MED23: variants seen among roughly 807,000 people sequenced by gnomAD.
MED23 encodes the protein mediator complex subunit 23.
In MED23, 105 loss-of-function variants were observed where a neutral mutation model predicts 163.9. That is an observed-to-expected ratio of 0.64 (90% confidence interval 0.55 to 0.75). MED23 has a LOEUF of 0.75. Among genes scored for constraint, MED23 ranks in the 30% least tolerant of loss-of-function variants. MED23 has a pLI of 0.00. For synonymous variants in MED23, 561 were observed against 565.6 expected (o/e 0.99, Z 0.12); for missense variants, 1,054 against 1,649.0 (o/e 0.64, Z 6.25).
chr6:131,626,122 C>CAAAAAA (rs138561737), intron 3 of MED23, among the ~76,000 whole-genome samples: 14 of 59,594 alleles, frequency 2.3e-4, no homozygotes, highest in African/African-American at 4.4e-4. Flanking sequence ...ACTCTGTCTC[C>CAAAAAA]AAAAAAAAAA....
At chr6:131,618,329 AT>A (rs1420704795) in intron 9 of MED23, 77 bp downstream of exon 9, 1 of 939,038 alleles carries the variant, frequency 1.1e-6, no homozygotes, top group Non-Finnish European at 1.7e-6. Flanking sequence ...TGAAGCAACA[AT>A]TTAGCATCAC....
chr6:131,590,297 A>C, intron 27 of MED23, 25 bp downstream of exon 27: 2 of 1,603,960 alleles, frequency 1.2e-6, no homozygotes, highest in Non-Finnish European at 1.7e-6. Flanking sequence ...TAATCATGTC[A>C]CAGGAAACCC....
At chr6:131,624,756 C>G in intron 4 of MED23, 109 bp downstream of exon 4, 2 of 1,249,082 alleles carry the variant, frequency 1.6e-6, no homozygotes, top group Non-Finnish European at 2.3e-6. Flanking sequence ...CTTGATAAAC[C>G]TCACCTTCTT....
chr6:131,582,611 G>T (rs1244186113), downstream of MED23: 1 of 1,608,102 alleles, frequency 6.2e-7, no homozygotes, highest in South Asian at 1.1e-5. Flanking sequence ...TGAAAACATT[G>T]TAATTTTAGA....
intron 10 of MED23, chr6:131,615,193 T>C (rs1585546254): frequency 1.2e-6 from 1 of 824,268 alleles, no homozygotes; most frequent in South Asian, 2.4e-5. Context: ...CGTTTTTTAG[T>C]GGCCTTGGTC....
Position 131,619,283 on chromosome 6 carries a change from A to G in MED23, c.667+544T>C, listed in dbSNP as rs147889539. ...TCAATATTTGATCACTGAATAAACA[A>G]TGGTCTATATTTCCACACAGTTGAG... On this transcript the variant is annotated intron_variant, in intron 8 of 28. Transcript: ENST00000368068. Among the ~76,000 whole-genome samples, 397 of 152,334 alleles carry G rather than the reference A, an allele frequency of 2.6e-3. 3 individuals carry two copies. Among genetic ancestry groups the G allele is most frequent in the African/African-American group, 9.0e-3 (375 of 41,578 alleles).
At chr6:131,617,732 G>A (rs1012859682) in intron 9 of MED23, among the ~76,000 whole-genome samples, 2 of 152,138 alleles carry the variant, frequency 1.3e-5, no homozygotes, top group African/African-American at 2.4e-5. Flanking sequence ...TGTAAAAAGA[G>A]CAACTAGGCC....
Position 131,627,436 on chromosome 6 carries a change from C to T in MED23, c.119G>A (p.Cys40Tyr), listed in dbSNP as rs750672509. The T allele has an allele frequency of 6.2e-7, 1 of 1,612,960 alleles. No individual in the cohort carries two copies. The highest frequency in any genetic ancestry group is 1.3e-5 in the African/African-American group (1 of 74,668). ...PEDEKTKLIS[C>Y]LGAFRQFWGG... ...CCAAAACTGTCTGAAGGCCCCCAAACAGCTAATTAGTTTTGTTTTCTCATC... is the reference window on the plus strand; with the variant it reads ...CCAAAACTGTCTGAAGGCCCCCAAATAGCTAATTAGTTTTGTTTTCTCATC... The change falls in exon 3 of 29, where the codon TGT becomes TAT. Residue 40 changes from cysteine (C) to tyrosine (Y), a missense_variant. Transcript: ENST00000368068.
At chr6:131,583,787 G>C, downstream of MED23, 1 of 1,614,044 alleles carries the variant, frequency 6.2e-7, no homozygotes, top group Non-Finnish European at 8.5e-7. Context: ...CCATCCCTGG[G>C]GAAGACACCA....
chr6:131,623,336 A>G lies in MED23; in HGVS notation c.396+15T>C, dbSNP rs773540997. On this transcript the variant is annotated intron_variant, in intron 5 of 28. Coordinates refer to ENST00000368068, the MANE Select transcript of MED23 (RefSeq NM_004830.4). Reference sequence around the variant, plus strand: ...TATCTGAAAGCAATCACTTTTTATAATAAGAAAAATATACCTTGTAATCCA... The same window carrying G: ...TATCTGAAAGCAATCACTTTTTATAGTAAGAAAAATATACCTTGTAATCCA... 2 of 1,595,148 alleles carry G rather than the reference A, an allele frequency of 1.3e-6. No homozygotes were observed. The highest frequency in any genetic ancestry group is 1.7e-6 in the Non-Finnish European group (2 of 1,162,800).
At chr6:131,582,987 AT>A, downstream of MED23, 2 of 1,043,070 alleles carry the variant, frequency 1.9e-6, no homozygotes, top group Non-Finnish European at 2.9e-6. Flanking sequence ...CTATATTTAT[AT>A]TTCCCTTAAA....
chr6:131,576,560 A>G, intron 30 of MED23: 1 of 1,144,542 alleles, frequency 8.7e-7, no homozygotes, highest in Non-Finnish European at 1.3e-6. Context: ...AGCTCAAAAA[A>G]TGATAGTTAC....
downstream of MED23, chr6:131,583,499 A>T (rs1247895740): frequency 6.2e-7 from 1 of 1,614,130 alleles, no homozygotes; most frequent in Non-Finnish European, 8.5e-7. Flanking sequence ...CAGGTAGTTA[A>T]CAATCTGAGG....
rs1412252269 is a variant in MED23, at chr6:131,628,123, GC to G, written c.-75del. On this transcript the variant is annotated 5_prime_UTR_variant, in exon 1 of 29. Transcript: ENST00000368068. ...AGACTCGAGCTCTGGGAATATAGGG[GC>G]AGAGGGGCGGAGACCTCTGGAGGAA... 3.7e-5 allele frequency: 58 copies of G among 1,553,460 alleles called. No homozygotes were observed. In the East Asian group the frequency reaches 1.3e-3, roughly 34 times the overall value.
intron 5 of MED23, among the ~76,000 whole-genome samples, chr6:131,622,738 GTCATTACCTGTTAAA>G (rs2114769173): frequency 6.6e-6 from 1 of 152,200 alleles, no homozygotes; most frequent in East Asian, 1.9e-4. Context: ...TATCTGTTAG[GTCATTACCTGTTAAA>G]TCATTTCAGA....
chr6:131,617,255 TAG>T (rs538370047), intron 9 of MED23, among the ~76,000 whole-genome samples: 114 of 151,698 alleles, frequency 7.5e-4, no homozygotes, highest in African/African-American at 2.6e-3. Context: ...AGCATTTTGA[TAG>T]AGTCAATGAA....
Position 131,615,995 on chromosome 6 carries a change from A to G in MED23, c.788T>C (p.Phe263Ser). 1 of 1,611,522 alleles carries G rather than the reference A, an allele frequency of 6.2e-7. No homozygotes were observed. Among genetic ancestry groups the G allele is most frequent in the Non-Finnish European group, 8.5e-7 (1 of 1,177,850 alleles). ...KGLLPYDKDLFEPQTALLRYV... is the reference protein window; with the variant it reads ...KGLLPYDKDLSEPQTALLRYV... ...TCTCAACAAAGCAGTCTGTGGTTCA[A>G]ACAGATCCTTTAAAGAAAATAAGAA... is the stretch of plus-strand genomic sequence containing the variant. The change falls in exon 10 of 29, where the codon TTT (phenylalanine) becomes TCT (serine). Residue 263 changes from phenylalanine (F) to serine (S), a missense_variant. Coordinates refer to ENST00000368068, the MANE Select transcript of MED23 (RefSeq NM_004830.4).
At chr6:131,596,776 T>C (rs1324399037) in intron 20 of MED23, 88 bp from the exon 21 acceptor site, 4 of 1,251,772 alleles carry the variant, frequency 3.2e-6, no homozygotes, top group Non-Finnish European at 2.3e-6. Context: ...TTTAACAAAG[T>C]AAAATCTCAC....
intron 20 of MED23, 74 bp from the exon 21 acceptor site, chr6:131,596,762 A>G: frequency 7.2e-7 from 1 of 1,381,132 alleles, no homozygotes; most frequent in Non-Finnish European, 1.0e-6. Flanking sequence ...CTGAAAGCCT[A>G]GATTTTAACA....
Sources: gnomAD v4.1 joint callset for allele counts (sites outside exome capture counted in the v4.1 genomes callset) on GRCh38, gnomAD v4.1.1 for gene constraint, MANE v1.5 for transcripts, NCBI Gene and HGNC (gene_info 2026-07-23, HGNC 2026-07-21) for gene names.